Variants in CORO2B observed in about 807,000 individuals in gnomAD.
The protein encoded by CORO2B is coronin-2B.
In CORO2B, 26 loss-of-function variants were observed where a neutral mutation model predicts 58.8. The ratio of observed to expected loss-of-function variants is 0.44; its 90% confidence interval spans 0.32 to 0.61. The LOEUF is 0.61. Among genes scored for constraint, CORO2B ranks in the 20% least tolerant of loss-of-function variants. The pLI, the probability that CORO2B is intolerant of heterozygous loss-of-function variation, is 0.04. For missense variants in CORO2B, 460 were observed against 645.1 expected (o/e 0.71, Z 3.11); for synonymous variants, 242 against 253.8 (o/e 0.95, Z 0.44).
intron 3 of CORO2B, among the ~76,000 whole-genome samples, chr15:68,697,771 G>A (rs1241450804): frequency 2.6e-5 from 4 of 152,334 alleles, no homozygotes; most frequent in East Asian, 3.9e-4. Flanking sequence ...AGAGTTCACC[G>A]GTTGCTTCCT....
chr15:68,541,852 G>A, the CORO2B span, among the ~76,000 whole-genome samples: 113 of 152,234 alleles, frequency 7.4e-4, no homozygotes, highest in African/African-American at 2.6e-3. Context: ...GGAGTTCTCC[G>A]TCTGTGTGGC....
In CORO2B at chr15:68,709,032, A is replaced by G. The variant is rs1482558082; in HGVS notation, c.334-1700A>G. On this transcript the variant is annotated intron_variant, in intron 3 of 11. Transcript: ENST00000261861. ...ATTTATTCATAGCCTTTGGAATTAT[A>G]ATCAATTGACTAGTATTACATATTG... Among the ~76,000 whole-genome samples, 4 of 152,212 alleles carry G rather than the reference A, an allele frequency of 2.6e-5. 1 individual carries two copies. The highest frequency in any genetic ancestry group is 9.6e-5 in the African/African-American group (4 of 41,454).
the CORO2B span, among the ~76,000 whole-genome samples, chr15:68,554,014 C>T: frequency 6.6e-6 from 1 of 152,168 alleles, no homozygotes; most frequent in Admixed American, 6.5e-5. Flanking sequence ...ATGGGGGAGA[C>T]CATGTTGGAG....
the CORO2B span, among the ~76,000 whole-genome samples, chr15:68,551,057 G>T: frequency 6.6e-5 from 10 of 152,144 alleles, no homozygotes; most frequent in Admixed American, 5.9e-4. Context: ...GTGGAGAGGA[G>T]GTTCCTGACT....
intron 1 of CORO2B, 80 bp downstream of exon 1, chr15:68,579,357 G>A (rs1899360912): frequency 8.3e-7 from 1 of 1,209,862 alleles, no homozygotes; most frequent in Non-Finnish European, 1.0e-6. Flanking sequence ...GCGCGGGGGT[G>A]TGGGTGTGGG....
the CORO2B span, among the ~76,000 whole-genome samples, chr15:68,521,847 G>T: frequency 6.6e-6 from 1 of 151,378 alleles, no homozygotes; most frequent in East Asian, 1.9e-4. Context: ...GCTCAAGCAA[G>T]TAGATGGGTT....
At chr15:68,602,821 A>G (rs1246710122) in intron 1 of CORO2B, among the ~76,000 whole-genome samples, 2 of 152,220 alleles carry the variant, frequency 1.3e-5, no homozygotes, top group Non-Finnish European at 1.5e-5. Context: ...TTTTCTAATA[A>G]AAATGTCTCG....
chr15:68,586,134 ATC>A (rs1007874911), intron 1 of CORO2B, among the ~76,000 whole-genome samples: 11 of 152,160 alleles, frequency 7.2e-5, no homozygotes, highest in Admixed American at 7.2e-4. Context: ...CTCTCTGAAC[ATC>A]TGTTTCCTCA....
At position 68,718,772 on chromosome 15, in the gene CORO2B, G is replaced by A; in HGVS notation, c.1042G>A (p.Gly348Ser). ...CTTCTACAAGCTGGTGACTCTCAAG[G>A]GCCTGATCGAGCCCATCTCCATGAT... ...FRFYKLVTLK[G>S]LIEPISMIVP... Residue 348 changes from glycine to serine, a missense_variant, in exon 9 of 12, where the codon GGC becomes AGC. Transcript: ENST00000261861. 1 of 1,614,166 alleles carries A rather than the reference G, an allele frequency of 6.2e-7. No individual in the cohort carries two copies. The highest frequency in any genetic ancestry group is 8.5e-7 in the Non-Finnish European group (1 of 1,180,020).
At chr15:68,618,687 G>A (rs898722840) in intron 1 of CORO2B, among the ~76,000 whole-genome samples, 3 of 152,172 alleles carry the variant, frequency 2.0e-5, no homozygotes, top group African/African-American at 7.2e-5. Context: ...ATCTCTTCAT[G>A]TTGCAAAAGA....
At chr15:68,721,796 G>A (rs1429137383) in intron 11 of CORO2B, among the ~76,000 whole-genome samples, 2 of 152,104 alleles carry the variant, frequency 1.3e-5, no homozygotes, top group Admixed American at 6.6e-5. Flanking sequence ...CTCCCAGACT[G>A]CAGTGCTGTG....
intron 1 of CORO2B, among the ~76,000 whole-genome samples, chr15:68,596,660 T>C (rs1462187171): frequency 1.3e-5 from 2 of 151,992 alleles, no homozygotes; most frequent in Non-Finnish European, 2.9e-5. Flanking sequence ...CCAGCAGCCA[T>C]GTTGAGGTGA....
chr15:68,718,621 G>A lies in CORO2B; in HGVS notation c.968-77G>A, dbSNP rs1893087086. 10 of 1,260,950 alleles carry A rather than the reference G, an allele frequency of 7.9e-6. No homozygotes were observed. In the South Asian group the frequency reaches 1.2e-4, roughly 16 times the overall value. The allele number at this position is 1,260,950 out of a possible 1,614,324, so 78.1% of individuals were successfully genotyped here. ...AGTACATTCCTCAGCCTTTCCCCTGGCCCAGAACATCATGGGGTGATGTCA... is the reference window on the plus strand; with the variant it reads ...AGTACATTCCTCAGCCTTTCCCCTGACCCAGAACATCATGGGGTGATGTCA... On this transcript the variant is annotated intron_variant, in intron 8 of 11. Coordinates refer to ENST00000261861, the MANE Select transcript of CORO2B (RefSeq NM_006091.5).
At chr15:68,586,368 G>A (rs1170649272) in intron 1 of CORO2B, among the ~76,000 whole-genome samples, 1 of 152,140 alleles carries the variant, frequency 6.6e-6, no homozygotes, top group Non-Finnish European at 1.5e-5. Flanking sequence ...TCAGAGGGAT[G>A]AGGAAGTGAC....
intron 1 of CORO2B, among the ~76,000 whole-genome samples, chr15:68,591,705 C>T (rs1566979427): frequency 6.6e-6 from 1 of 152,158 alleles, no homozygotes; most frequent in Non-Finnish European, 1.5e-5. Flanking sequence ...TCACATATGC[C>T]CCACCCCATA....
At chr15:68,573,970 G>A in the CORO2B span, among the ~76,000 whole-genome samples, 1 of 152,114 alleles carries the variant, frequency 6.6e-6, no homozygotes, top group East Asian at 1.9e-4. Context: ...GGTGCTGACG[G>A]GGAGAGAAGG....
chr15:68,536,611 C>T, the CORO2B span, among the ~76,000 whole-genome samples: 1 of 152,216 alleles, frequency 6.6e-6, no homozygotes, highest in Non-Finnish European at 1.5e-5. Flanking sequence ...TTTGGTATGT[C>T]AAAGACCACT....
At chr15:68,678,552 T>C (rs1393120588) in intron 2 of CORO2B, among the ~76,000 whole-genome samples, 1 of 152,162 alleles carries the variant, frequency 6.6e-6, no homozygotes, top group Non-Finnish European at 1.5e-5. Context: ...TGGGTGCCTG[T>C]TATCCCAGCT....
upstream of CORO2B, among the ~76,000 whole-genome samples, chr15:68,578,608 CA>C (rs752375213): frequency 6.6e-4 from 100 of 152,270 alleles, 1 homozygote; most frequent in Non-Finnish European, 6.2e-4. The surrounding 1 kb of genome is among the most constrained non-coding windows in gnomAD (Gnocchi z 4.2). Context: ...TGCGAGCCTC[CA>C]GGGGGCGAAC....
Sources: gnomAD v4.1 joint callset for allele counts (sites outside exome capture counted in the v4.1 genomes callset) on GRCh38, gnomAD v4.1.1 for gene constraint, Gnocchi (gnomAD v3.1) non-coding constraint, MANE v1.5 for transcripts, NCBI Gene and HGNC (gene_info 2026-07-23, HGNC 2026-07-21) for gene names.